Variants in AKAP6 observed in about 807,000 individuals in gnomAD.
The protein encoded by AKAP6 is A-kinase anchor protein 6.
In AKAP6, 58 loss-of-function variants were observed where a neutral mutation model predicts 188.5. The observed-to-expected ratio is 0.31, with a 90% CI of 0.25 to 0.38. AKAP6 has a LOEUF of 0.38. Among genes scored for constraint, AKAP6 ranks in the 10% least tolerant of loss-of-function variants. AKAP6 has a pLI of 1.00. For missense variants in AKAP6, 2,710 were observed against 2,740.0 expected (o/e 0.99, Z 0.24); for synonymous variants, 989 against 998.6 (o/e 0.99, Z 0.18).
At position 32,461,614 on chromosome 14, in the gene AKAP6, A is replaced by G. The variant is rs111551731; in HGVS notation, c.324+27797A>G. Among the ~76,000 whole-genome samples the G allele has an allele frequency of 9.4e-3, 1,429 of 152,302 alleles. 15 individuals are homozygous for G. The highest frequency in any genetic ancestry group is 0.033 in the African/African-American group (1,358 of 41,570). On this transcript the variant is annotated intron_variant, in intron 2 of 13. Coordinates refer to ENST00000280979, the MANE Select transcript of AKAP6 (RefSeq NM_004274.5). ...AGATCAAAGGTAGATAAATCCACAG[A>G]GATCAGGAAAAACCAGTGCAAAAAC... is the stretch of plus-strand genomic sequence containing the variant.
intron 2 of AKAP6, among the ~76,000 whole-genome samples, chr14:32,509,215 C>T (rs762109605): frequency 3.4e-5 from 5 of 145,854 alleles, no homozygotes; most frequent in African/African-American, 7.6e-5. Context: ...ACCTCTGGCT[C>T]CTGGGTTCAA....
At chr14:32,634,462 AG>A (rs1338851131) in intron 7 of AKAP6, among the ~76,000 whole-genome samples, 3 of 151,984 alleles carry the variant, frequency 2.0e-5, no homozygotes, top group Non-Finnish European at 2.9e-5. Flanking sequence ...TTTTTTTGAT[AG>A]TGTCTTTTAC....
At chr14:32,437,061 T>C (rs1890403471) in intron 2 of AKAP6, among the ~76,000 whole-genome samples, 1 of 152,196 alleles carries the variant, frequency 6.6e-6, no homozygotes, top group South Asian at 2.1e-4. Context: ...TGTACTTTTC[T>C]CCTTGTTCAT....
intron 1 of AKAP6, among the ~76,000 whole-genome samples, chr14:32,379,071 A>G (rs1888256233): frequency 6.6e-6 from 1 of 151,796 alleles, no homozygotes; most frequent in Non-Finnish European, 1.5e-5. Context: ...GGCATGCACC[A>G]CCACGCCTGG....
chr14:32,808,389 T>G (rs2300857), intron 12 of AKAP6, among the ~76,000 whole-genome samples: 60,404 of 152,024 alleles, frequency 0.4, 12,144 homozygotes, highest in Non-Finnish European at 0.42. Context: ...ACCAAGGACC[T>G]CATTCTGAGT....
intron 2 of AKAP6, among the ~76,000 whole-genome samples, chr14:32,510,478 A>G (rs535149654): frequency 0.02 from 1,916 of 95,430 alleles, 153 homozygotes; most frequent in African/African-American, 0.075. Context: ...ATATATATAC[A>G]TATATATATG....
At chr14:32,510,464 A>ATATATATATGTG (rs1881189301) in intron 2 of AKAP6, among the ~76,000 whole-genome samples, 1 of 70,084 alleles carries the variant, frequency 1.4e-5, no homozygotes, top group Non-Finnish European at 3.1e-5. Flanking sequence ...ATATATGTGT[A>ATATATATATGTG]TATATATATA....
At chr14:32,491,516 C>T (rs1213961057) in intron 2 of AKAP6, among the ~76,000 whole-genome samples, 1 of 152,150 alleles carries the variant, frequency 6.6e-6, no homozygotes, top group Admixed American at 6.5e-5. Context: ...GGCTGTCCTC[C>T]CTGTGGCAGA....
At position 32,542,486 on chromosome 14, in the gene AKAP6, T is replaced by C. The variant is rs562278345; in HGVS notation, c.577-2744T>C. 2.0e-5 allele frequency among the ~76,000 whole-genome samples: 3 copies of C among 152,336 alleles called. 1 individual carries two copies. In the South Asian group the frequency reaches 6.2e-4, roughly 32 times the overall value. ...AATCACAATAGTATTTATTTATAAA[T>C]TGAGATCAATGCTTAAAGAGAAAGC... On this transcript the variant is annotated intron_variant, in intron 3 of 13. Transcript: ENST00000280979.
chr14:32,529,489 A>G (rs909886428), intron 2 of AKAP6, among the ~76,000 whole-genome samples: 2 of 152,122 alleles, frequency 1.3e-5, no homozygotes, highest in Non-Finnish European at 2.9e-5. Context: ...TGCAATAGCT[A>G]GGACTTCTAG....
At chr14:32,800,001 G>T (rs1019769498) in intron 12 of AKAP6, among the ~76,000 whole-genome samples, 1 of 148,836 alleles carries the variant, frequency 6.7e-6, no homozygotes, top group Non-Finnish European at 1.5e-5. Flanking sequence ...CTTGAGCCCA[G>T]ATGTTCAAGA....
chr14:32,813,937 G>T lies in AKAP6; in HGVS notation c.3589-7465G>T, dbSNP rs1163734377. Among the ~76,000 whole-genome samples, 4 of 146,760 alleles carry T rather than the reference G, an allele frequency of 2.7e-5. No homozygotes were observed. The East Asian group carries it at 8.0e-4, about 29-fold the overall frequency. On this transcript the variant is annotated intron_variant, in intron 12 of 13. Transcript: ENST00000280979. Reference sequence around the variant, plus strand: ...GAGTTGAGATGGGCTACTGTGCTTTGAGGGTAGAGGTATTAGAACAATTGA... The same window carrying T: ...GAGTTGAGATGGGCTACTGTGCTTTTAGGGTAGAGGTATTAGAACAATTGA...
chr14:32,721,530 A>G (rs1387624566), intron 9 of AKAP6, among the ~76,000 whole-genome samples: 1 of 152,220 alleles, frequency 6.6e-6, no homozygotes, highest in East Asian at 1.9e-4. Flanking sequence ...TCTGTACCTC[A>G]AATTCAATGA....
intron 7 of AKAP6, among the ~76,000 whole-genome samples, chr14:32,622,530 C>T (rs939786535): frequency 6.6e-6 from 1 of 152,008 alleles, no homozygotes; most frequent in Non-Finnish European, 1.5e-5. Flanking sequence ...TTAAAGAATC[C>T]CTTCTCTGCA....
intron 4 of AKAP6, among the ~76,000 whole-genome samples, chr14:32,570,031 G>T (rs1377624434): frequency 2.0e-5 from 3 of 151,102 alleles, no homozygotes; most frequent in Non-Finnish European, 4.4e-5. Flanking sequence ...CCGTCATGCT[G>T]TCTCATTGAC....
chr14:32,492,355 T>TAG lies in AKAP6; in HGVS notation c.325-43172_325-43171dup, dbSNP rs1555333490. On this transcript the variant is annotated intron_variant, in intron 2 of 13. Coordinates refer to ENST00000280979, the MANE Select transcript of AKAP6 (RefSeq NM_004274.5). Reference sequence around the variant, plus strand: ...ACATTGTAATATATATATATATATATAGAGAGAGAGAGAGAGAGAGAGAGA... The same window carrying TAG: ...ACATTGTAATATATATATATATATATAGAGAGAGAGAGAGAGAGAGAGAGAGA... Among the ~76,000 whole-genome samples the TAG allele has an allele frequency of 4.5e-3, 371 of 82,574 alleles. 4 individuals are homozygous for TAG. Among genetic ancestry groups the TAG allele is most frequent in the East Asian group, 0.019 (29 of 1,528 alleles). 54.2% of individuals were successfully genotyped at this position (82,574 alleles called of 152,430 possible). A position where few individuals can be genotyped will look rare whatever the true frequency, so the allele number is the denominator to read the frequency against.
chr14:32,582,973 C>T, intron 5 of AKAP6, among the ~76,000 whole-genome samples: 1 of 152,196 alleles, frequency 6.6e-6, no homozygotes, highest in Admixed American at 6.5e-5. Flanking sequence ...TCATCTGAAG[C>T]CTTCTTCTCT....
intron 2 of AKAP6, among the ~76,000 whole-genome samples, chr14:32,437,420 T>A (rs556970751): frequency 5.9e-5 from 9 of 152,308 alleles, no homozygotes; most frequent in African/African-American, 2.2e-4. Flanking sequence ...TCTACCATCA[T>A]GTCAATACAT....
At chr14:32,812,832 A>G (rs986668112) in intron 12 of AKAP6, among the ~76,000 whole-genome samples, 1 of 152,188 alleles carries the variant, frequency 6.6e-6, no homozygotes, top group African/African-American at 2.4e-5. Flanking sequence ...TCTTTGATTT[A>G]TTGGCACAAA....
Sources: gnomAD v4.1 joint callset for allele counts (sites outside exome capture counted in the v4.1 genomes callset) on GRCh38, gnomAD v4.1.1 for gene constraint, MANE v1.5 for transcripts, NCBI Gene and HGNC (gene_info 2026-07-23, HGNC 2026-07-21) for gene names.